The following CTNNA2 variants were observed in gnomAD, a reference collection of about 807,000 sequenced individuals.
CTNNA2 encodes catenin alpha-2.
CTNNA2 carries 42 observed loss-of-function variants against 101.0 expected under a neutral mutation model. The observed-to-expected ratio is 0.42, with a 90% CI of 0.32 to 0.54. The LOEUF (loss-of-function observed/expected upper bound fraction) is 0.54. Ranked by LOEUF, CTNNA2 falls within the 20% of genes least tolerant of loss-of-function variation. CTNNA2 has a pLI of 0.14. For synonymous variants in CTNNA2, 450 were observed against 456.4 expected (o/e 0.99, Z 0.18); for missense variants, 871 against 1,223.1 (o/e 0.71, Z 4.29).
chr2:79,338,018 G>A (rs948815304), intron 3 of CTNNA2, among the ~76,000 whole-genome samples: 1 of 152,000 alleles, frequency 6.6e-6, no homozygotes, highest in Admixed American at 6.6e-5. Flanking sequence ...GGCTGAGGCA[G>A]GTGGATCACC....
At chr2:80,291,394 G>C (rs75016821) in intron 7 of CTNNA2, among the ~76,000 whole-genome samples, 1,760 of 152,278 alleles carry the variant, frequency 0.012, 32 homozygotes, top group African/African-American at 0.04. Context: ...ACTTGCTCAA[G>C]GGCCAGGAGC....
chr2:80,310,740 G>A (rs2149226372), intron 7 of CTNNA2, among the ~76,000 whole-genome samples: 1 of 152,258 alleles, frequency 6.6e-6, no homozygotes, highest in East Asian at 1.9e-4. Flanking sequence ...GGGAGGCCGA[G>A]GCGGGTGGAT....
chr2:79,321,432 C>G (rs547711945), intron 3 of CTNNA2, among the ~76,000 whole-genome samples: 4 of 152,112 alleles, frequency 2.6e-5, no homozygotes, highest in African/African-American at 9.6e-5. Flanking sequence ...TTTATTGGTT[C>G]TATAGCAGCT....
rs144437648 is a variant in CTNNA2, at chr2:79,993,003, C to T, written c.1056+83206C>T. ...TTCATTACTTCTCCCCTTCAAACTC[C>T]TCTTTCTGGGTTCTTTGATTCTCCC... On this transcript the variant is annotated intron_variant, in intron 7 of 18. Coordinates refer to ENST00000402739, the MANE Select transcript of CTNNA2 (RefSeq NM_001282597.3). 2.6e-3 allele frequency among the ~76,000 whole-genome samples: 391 copies of T among 152,172 alleles called. 5 individuals are homozygous for T. The highest frequency in any genetic ancestry group is 9.1e-3 in the African/African-American group (376 of 41,528).
chr2:80,134,523 A>G (rs1702587651), intron 7 of CTNNA2, among the ~76,000 whole-genome samples: 1 of 152,070 alleles, frequency 6.6e-6, no homozygotes, highest in African/African-American at 2.4e-5. Flanking sequence ...TGACCCTGAG[A>G]CCCCACTTCT....
intron 9 of CTNNA2, among the ~76,000 whole-genome samples, chr2:80,528,363 ATTT>A (rs1316540821): frequency 2.0e-5 from 3 of 151,902 alleles, no homozygotes; most frequent in Admixed American, 6.6e-5. Context: ...TGCCTGGCTA[ATTT>A]TTTGTATTTT....
intron 1 of CTNNA2, among the ~76,000 whole-genome samples, chr2:79,568,858 CAAAAA>C (rs540965419): frequency 1.4e-5 from 1 of 68,982 alleles, no homozygotes; most frequent in African/African-American, 6.8e-5. Context: ...TCTGTTTCTA[CAAAAA>C]AAAAAAAAAA....
chr2:79,545,160 A>G (rs1001815710), intron 1 of CTNNA2, among the ~76,000 whole-genome samples: 3 of 152,194 alleles, frequency 2.0e-5, no homozygotes, highest in African/African-American at 4.8e-5. Flanking sequence ...TGAATTGGAC[A>G]TAGTGCAATA....
chr2:80,106,223 C>T (rs1700882708), intron 7 of CTNNA2, among the ~76,000 whole-genome samples: 1 of 152,158 alleles, frequency 6.6e-6, no homozygotes, highest in East Asian at 1.9e-4. Flanking sequence ...GTAGGCTTCT[C>T]CCTGGGTTTG....
rs1243203956 is a variant in CTNNA2, at chr2:79,682,660, TGAA to T, written c.102+31003_102+31005del. ...GAAAATTTATATACAAATTCAGCCTTGAACCTTCCTGAACTTACTCAGAGTTGA... is the reference window on the plus strand; with the variant it reads ...GAAAATTTATATACAAATTCAGCCTTCCTTCCTGAACTTACTCAGAGTTGA... On this transcript the variant is annotated intron_variant, in intron 2 of 18. Coordinates refer to ENST00000402739, the MANE Select transcript of CTNNA2 (RefSeq NM_001282597.3). Among the ~76,000 whole-genome samples, 21 of 152,292 alleles carry T rather than the reference TGAA, an allele frequency of 1.4e-4. 1 individual carries two copies. In the South Asian group the frequency reaches 4.1e-3, roughly 30 times the overall value.
intron 7 of CTNNA2, among the ~76,000 whole-genome samples, chr2:80,229,011 T>G (rs1461825530): frequency 1.3e-5 from 2 of 152,216 alleles, no homozygotes; most frequent in Non-Finnish European, 2.9e-5. Flanking sequence ...TTCCTTGATA[T>G]CTAATGGATG....
At chr2:80,458,330 C>A (rs948207755) in intron 9 of CTNNA2, among the ~76,000 whole-genome samples, 1 of 152,076 alleles carries the variant, frequency 6.6e-6, no homozygotes, top group Non-Finnish European at 1.5e-5. Context: ...CAGATGTGGA[C>A]TACTAAAACC....
In CTNNA2 at chr2:80,647,158, C is replaced by G. The variant is rs184329919; in HGVS notation, c.2575-427C>G. Among the ~76,000 whole-genome samples the G allele has an allele frequency of 1.3e-3, 202 of 152,098 alleles. 1 individual carries two copies. The highest frequency in any genetic ancestry group is 4.2e-3 in the African/African-American group (175 of 41,498). On this transcript the variant is annotated intron_variant, in intron 18 of 18. Transcript: ENST00000402739. Reference sequence around the variant, plus strand: ...GAACACCCATGGATTGTTCTTCTGCCTAAATGACTGTATCCTCACCAACCC... The same window carrying G: ...GAACACCCATGGATTGTTCTTCTGCGTAAATGACTGTATCCTCACCAACCC...
intron 7 of CTNNA2, among the ~76,000 whole-genome samples, chr2:80,208,027 G>T (rs1420824673): frequency 6.6e-6 from 1 of 152,186 alleles, no homozygotes. Flanking sequence ...GTGGTTTGTG[G>T]ATCTGGATAA....
At chr2:80,538,511 G>A (rs1233558818) in intron 9 of CTNNA2, among the ~76,000 whole-genome samples, 1 of 152,072 alleles carries the variant, frequency 6.6e-6, no homozygotes. Context: ...TTTTTGTCAG[G>A]TTTGTCAAAG....
At chr2:80,098,500 G>A (rs1700323665) in intron 7 of CTNNA2, among the ~76,000 whole-genome samples, 1 of 152,230 alleles carries the variant, frequency 6.6e-6, no homozygotes, top group Non-Finnish European at 1.5e-5. Flanking sequence ...ATCTCAAGCT[G>A]CGTGTTGGGA....
intron 3 of CTNNA2, among the ~76,000 whole-genome samples, chr2:79,330,047 C>T (rs1676836051): frequency 6.6e-6 from 1 of 152,150 alleles, no homozygotes; most frequent in African/African-American, 2.4e-5. Flanking sequence ...GGCCTCAGTA[C>T]ACAATAGTGA....
At chr2:79,474,294 A>G (rs1368817046) in intron 4 of CTNNA2, among the ~76,000 whole-genome samples, 3 of 152,236 alleles carry the variant, frequency 2.0e-5, no homozygotes, top group African/African-American at 7.2e-5. Context: ...TAGCACATTT[A>G]TACAACAGAA....
intron 7 of CTNNA2, among the ~76,000 whole-genome samples, chr2:80,063,918 A>T (rs12475229): frequency 0.05 from 7,563 of 152,218 alleles, 278 homozygotes; most frequent in African/African-American, 0.093. Context: ...CCCCCTGGGG[A>T]TCATTCTGTG....
Sources: gnomAD v4.1 joint callset for allele counts (sites outside exome capture counted in the v4.1 genomes callset) on GRCh38, gnomAD v4.1.1 for gene constraint, MANE v1.5 for transcripts, NCBI Gene and HGNC (gene_info 2026-07-23, HGNC 2026-07-21) for gene names.